THRB: variants seen among roughly 807,000 people sequenced by gnomAD.
The protein encoded by THRB is thyroid hormone receptor beta.
THRB carries 12 observed loss-of-function variants against 47.8 expected under a neutral mutation model. The ratio of observed to expected loss-of-function variants is 0.25; its 90% CI spans 0.16 to 0.41. The LOEUF is 0.41. Ranked by LOEUF, THRB falls within the 10% of genes least tolerant of loss-of-function variation. The pLI is 1.00. For synonymous variants in THRB, 218 were observed against 212.2 expected (o/e 1.03, Z -0.24); for missense variants, 348 against 589.2 (o/e 0.59, Z 4.24).
intron 8 of THRB, among the ~76,000 whole-genome samples, chr3:24,134,212 G>A (rs2034305049): frequency 6.6e-6 from 1 of 152,128 alleles, no homozygotes; most frequent in Admixed American, 6.5e-5. Flanking sequence ...CTCCAGACCA[G>A]GTGGTACAGA....
At chr3:24,354,368 TTAAGA>T in intron 1 of THRB, among the ~76,000 whole-genome samples, 1 of 152,234 alleles carries the variant, frequency 6.6e-6, no homozygotes, top group Admixed American at 6.5e-5. Context: ...ACCCTTGAAC[TTAAGA>T]TAAAAGTTAA....
At chr3:24,326,284 G>A (rs886785586) in intron 2 of THRB, among the ~76,000 whole-genome samples, 11 of 152,156 alleles carry the variant, frequency 7.2e-5, no homozygotes, top group Non-Finnish European at 7.4e-5. Flanking sequence ...TGCCCAGGCT[G>A]AAGTGCAATG....
At chr3:24,342,018 A>G (rs921704637) in intron 1 of THRB, among the ~76,000 whole-genome samples, 1 of 152,014 alleles carries the variant, frequency 6.6e-6, no homozygotes, top group Non-Finnish European at 1.5e-5. Context: ...CACCCAGCCA[A>G]CTCTCATACT....
At chr3:24,136,282 G>T (rs1466196695) in intron 8 of THRB, among the ~76,000 whole-genome samples, 1 of 152,112 alleles carries the variant, frequency 6.6e-6, no homozygotes, top group African/African-American at 2.4e-5. Flanking sequence ...CTACAAAATT[G>T]CTAGAAGTAA....
rs187762409 is a variant in THRB, at chr3:24,332,952, G to T, written c.-189+4348C>A. ...TACAAAAAATTAGCCGGGCGTGGTG[G>T]CGGGTGCCTATAGTCCCAGTTACTC... On this transcript the variant is annotated intron_variant, in intron 2 of 10. Transcript: ENST00000646209. 3.9e-5 allele frequency among the ~76,000 whole-genome samples: 6 copies of T among 152,264 alleles called. No individual in the cohort carries two copies. In the East Asian group the frequency reaches 1.2e-3, roughly 29 times the overall value.
At chr3:24,440,065 T>C (rs1341746224) in intron 1 of THRB, among the ~76,000 whole-genome samples, 2 of 152,254 alleles carry the variant, frequency 1.3e-5, no homozygotes, top group Non-Finnish European at 2.9e-5. Flanking sequence ...ATGCCACTGA[T>C]TTAAACTAAG....
At chr3:24,145,896 G>C (rs1279472152) in intron 7 of THRB, among the ~76,000 whole-genome samples, 1 of 151,946 alleles carries the variant, frequency 6.6e-6, no homozygotes, top group African/African-American at 2.4e-5. Context: ...TATGCCAGTA[G>C]AATCATTAAT....
At chr3:24,305,570 T>G (rs2057280155) in intron 2 of THRB, among the ~76,000 whole-genome samples, 1 of 152,240 alleles carries the variant, frequency 6.6e-6, no homozygotes, top group Non-Finnish European at 1.5e-5. Flanking sequence ...ATTTGCATAC[T>G]GCATTCTCAT....
intron 2 of THRB, among the ~76,000 whole-genome samples, chr3:24,312,421 T>C (rs1272607540): frequency 6.6e-6 from 1 of 152,224 alleles, no homozygotes; most frequent in Non-Finnish European, 1.5e-5. Context: ...GGTGGGAATT[T>C]ATGAAGTATA....
intron 4 of THRB, among the ~76,000 whole-genome samples, chr3:24,204,138 C>A (rs1342195017): frequency 6.6e-6 from 1 of 152,252 alleles, no homozygotes; most frequent in Non-Finnish European, 1.5e-5. Flanking sequence ...ATGTCCCTGA[C>A]AGCTTTGAAG....
chr3:24,339,769 T>C (rs1024660739), intron 1 of THRB, among the ~76,000 whole-genome samples: 4 of 152,058 alleles, frequency 2.6e-5, no homozygotes, highest in African/African-American at 9.7e-5. Flanking sequence ...AGTTCTTCTC[T>C]TTAGGAAACA....
chr3:24,362,415 G>A (rs1373582690), intron 1 of THRB, among the ~76,000 whole-genome samples: 1 of 152,128 alleles, frequency 6.6e-6, no homozygotes, highest in Non-Finnish European at 1.5e-5. Context: ...ATATGCACAA[G>A]CATCATTCCT....
chr3:24,246,559 A>C (rs752661986), intron 3 of THRB, among the ~76,000 whole-genome samples: 3 of 152,182 alleles, frequency 2.0e-5, no homozygotes, highest in Non-Finnish European at 2.9e-5. Context: ...GGGATAACCC[A>C]GTTCTTTGGG....
In THRB at chr3:24,332,881, C is replaced by G. The variant is rs566414082; in HGVS notation, c.-189+4419G>C. 5.9e-5 allele frequency among the ~76,000 whole-genome samples: 9 copies of G among 152,146 alleles called. No homozygotes were observed. In the East Asian group the frequency reaches 1.7e-3, roughly 29 times the overall value. On this transcript the variant is annotated intron_variant, in intron 2 of 10. Transcript: ENST00000646209. ...ACCATCCTGGCTAACATGGTGAAACCCCATCTCTACTAAAAATACAAAAAA... is the reference window on the plus strand; with the variant it reads ...ACCATCCTGGCTAACATGGTGAAACGCCATCTCTACTAAAAATACAAAAAA...
At chr3:24,288,557 T>G (rs1242082729) in intron 3 of THRB, among the ~76,000 whole-genome samples, 1 of 152,174 alleles carries the variant, frequency 6.6e-6, no homozygotes, top group Non-Finnish European at 1.5e-5. Context: ...TCCACTGCTA[T>G]TAAAAAATTT....
At chr3:24,314,738 A>G (rs1321581782) in intron 2 of THRB, among the ~76,000 whole-genome samples, 1 of 152,112 alleles carries the variant, frequency 6.6e-6, no homozygotes, top group Non-Finnish European at 1.5e-5. Flanking sequence ...GAACACCCCA[A>G]ACCTTCAGCC....
chr3:24,291,154 A>G (rs2055880803), intron 3 of THRB, among the ~76,000 whole-genome samples: 1 of 152,186 alleles, frequency 6.6e-6, no homozygotes, highest in South Asian at 2.1e-4. Flanking sequence ...TCCTCTCACA[A>G]TAGGAGATTA....
chr3:24,448,129 A>C (rs2072285892), intron 1 of THRB, among the ~76,000 whole-genome samples: 1 of 151,794 alleles, frequency 6.6e-6, no homozygotes, highest in South Asian at 2.1e-4. Flanking sequence ...CACATGTGCC[A>C]TTTGCAGAGC....
upstream of THRB, chr3:24,494,962 A>T (rs1698824467): frequency 6.6e-6 from 1 of 152,190 alleles, no homozygotes; most frequent in African/African-American, 2.4e-5. Flanking sequence ...GCAAAATGTC[A>T]ACTCCTTGGG....
Sources: allele counts gnomAD v4.1 joint callset (sites outside exome capture counted in the v4.1 genomes callset), GRCh38; gene constraint gnomAD v4.1.1; transcripts MANE v1.5; gene names NCBI Gene and HGNC (gene_info 2026-07-23, HGNC 2026-07-21).